Variants in TFB1M observed in about 807,000 individuals in gnomAD.
The protein encoded by TFB1M is dimethyladenosine transferase 1, mitochondrial.
A neutral mutation model predicts 31.1 loss-of-function variants in TFB1M; 27 were observed. The observed-to-expected ratio is 0.87, with a 90% CI of 0.64 to 1.20. The LOEUF is 1.20. TFB1M is among the 50% of genes most tolerant of loss of function. The pLI, the probability that TFB1M is intolerant of heterozygous loss-of-function variation, is 0.00. For synonymous variants in TFB1M, 166 were observed against 151.8 expected (o/e 1.09, Z -0.69); for missense variants, 394 against 418.7 (o/e 0.94, Z 0.51).
chr6:155,306,581 G>C (rs1230372913), intron 2 of TFB1M, among the ~76,000 whole-genome samples: 1 of 151,960 alleles, frequency 6.6e-6, no homozygotes, highest in Non-Finnish European at 1.5e-5. Context: ...CAACATGGAT[G>C]AACTGCAAAA....
At chr6:155,262,054 A>T (rs1450381715) in intron 5 of TFB1M, among the ~76,000 whole-genome samples, 5 of 152,202 alleles carry the variant, frequency 3.3e-5, no homozygotes, top group Non-Finnish European at 5.9e-5. Context: ...CTTAGACTTT[A>T]ACAAAACGCA....
the TFB1M span, chr6:155,240,798 A>G: frequency 7.4e-7 from 1 of 1,356,370 alleles, no homozygotes; most frequent in Non-Finnish European, 9.9e-7. Flanking sequence ...ACCTCTGCCC[A>G]GGACACCTGC....
the TFB1M span, chr6:155,249,969 G>A: frequency 6.2e-6 from 10 of 1,610,962 alleles, no homozygotes; most frequent in Non-Finnish European, 6.8e-6. Flanking sequence ...CAGAGAAGGA[G>A]GTCCGTGAGA....
chr6:155,250,291 C>CTT, the TFB1M span, among the ~76,000 whole-genome samples: 33 of 133,674 alleles, frequency 2.5e-4, no homozygotes, highest in African/African-American at 8.4e-4. Context: ...TTGATTTTGC[C>CTT]TTTTTTTTTT....
intron 5 of TFB1M, among the ~76,000 whole-genome samples, chr6:155,268,567 A>G (rs1784766710): frequency 6.6e-6 from 1 of 152,282 alleles, no homozygotes; most frequent in African/African-American, 2.4e-5. Flanking sequence ...CCAGATTAAC[A>G]TCACTAAGCA....
chr6:155,260,553 T>A, intron 5 of TFB1M, 153 bp from the exon 6 acceptor site: 1 of 922,806 alleles, frequency 1.1e-6, no homozygotes, highest in Non-Finnish European at 1.7e-6. Context: ...TCTCTAGGCA[T>A]GGAAGATGGT....
chr6:155,271,011 C>A (rs1483540793), intron 5 of TFB1M, among the ~76,000 whole-genome samples: 1 of 152,090 alleles, frequency 6.6e-6, no homozygotes, highest in Non-Finnish European at 1.5e-5. Flanking sequence ...AAAAGCAAAC[C>A]CACAGATGTT....
intron 5 of TFB1M, among the ~76,000 whole-genome samples, chr6:155,280,560 G>A (rs1027473195): frequency 6.6e-6 from 1 of 152,104 alleles, no homozygotes; most frequent in Non-Finnish European, 1.5e-5. Flanking sequence ...GAGGGCCCTT[G>A]TCAATACATC....
intron 2 of TFB1M, among the ~76,000 whole-genome samples, chr6:155,302,953 G>C (rs939932240): frequency 6.6e-6 from 1 of 152,160 alleles, no homozygotes; most frequent in Non-Finnish European, 1.5e-5. Context: ...CCAAGCAAAA[G>C]GGAGAAATGC....
In TFB1M at chr6:155,295,647, TAC is replaced by T. The variant is rs1407616398; in HGVS notation, c.546+1304_546+1305del. Among the ~76,000 whole-genome samples, 3 of 152,278 alleles carry T rather than the reference TAC, an allele frequency of 2.0e-5. No individual in the cohort carries two copies. The East Asian group carries it at 5.8e-4, about 29-fold the overall frequency. On this transcript the variant is annotated intron_variant, in intron 4 of 6. Transcript: ENST00000367166. The stretch of plus-strand genomic sequence containing the variant: ...TTTATTAAGTCATCCATGTACATTA[TAC>T]AGTCATCCGTCAGTATCTGTGGGTT...
rs76738299 is a variant in TFB1M at position 155,289,115 on chromosome 6, T to G, written c.547-3838A>C. On this transcript the variant is annotated intron_variant, in intron 4 of 6. Coordinates refer to ENST00000367166, the MANE Select transcript of TFB1M (RefSeq NM_016020.4). ...TAATTTTAAGTACAAGGAGAAAAAT[T>G]AGGCTTACACTTGAGAAGCTACACA... Among the ~76,000 whole-genome samples, 1,101 of 152,188 alleles carry G rather than the reference T, an allele frequency of 7.2e-3. 19 individuals carry two copies. The highest frequency in any genetic ancestry group is 0.025 in the African/African-American group (1,056 of 41,504).
chr6:155,251,700 A>G (rs1472974577), downstream of TFB1M, among the ~76,000 whole-genome samples: 1 of 152,260 alleles, frequency 6.6e-6, no homozygotes, highest in Non-Finnish European at 1.5e-5. Context: ...TCAGCTTTCA[A>G]TAAAACAAAG....
chr6:155,292,212 G>A (rs1583357707), intron 4 of TFB1M, among the ~76,000 whole-genome samples: 1 of 152,180 alleles, frequency 6.6e-6, no homozygotes, highest in African/African-American at 2.4e-5. Context: ...GGCCTCGGCA[G>A]GCAGAATTTG....
At chr6:155,267,495 T>C (rs998339998) in intron 5 of TFB1M, among the ~76,000 whole-genome samples, 1 of 152,212 alleles carries the variant, frequency 6.6e-6, no homozygotes, top group African/African-American at 2.4e-5. Flanking sequence ...TGTGTTGTTT[T>C]GAAAGAAAGC....
chr6:155,305,196 T>TTATATATATATTAAATTATATATTTA lies in TFB1M; in HGVS notation c.285+5966_285+5991dup, dbSNP rs1777629033. On this transcript the variant is annotated intron_variant, in intron 2 of 6. Coordinates refer to ENST00000367166, the MANE Select transcript of TFB1M (RefSeq NM_016020.4). Reference sequence around the variant, plus strand: ...TTTATATATATATTAAATTATATATTTATATATATATTAAATTATATATTT... The same window carrying TTATATATATATTAAATTATATATTTA: ...TTTATATATATATTAAATTATATATTTATATATATATTAAATTATATATTTATATATATATATTAAATTATATATTT... 4.4e-5 allele frequency among the ~76,000 whole-genome samples: 3 copies of TTATATATATATTAAATTATATATTTA among 68,932 alleles called. 1 individual carries two copies. The highest frequency in any genetic ancestry group is 2.5e-4 in the Admixed American group (1 of 4,040). The allele number at this position is 68,932 out of a possible 152,430, so 45.2% of individuals were successfully genotyped here. A position where few individuals can be genotyped will look rare whatever the true frequency, so the allele number is the denominator to read the frequency against.
chr6:155,285,513 G>T (rs1776587885), intron 4 of TFB1M, among the ~76,000 whole-genome samples: 1 of 152,126 alleles, frequency 6.6e-6, no homozygotes, highest in Non-Finnish European at 1.5e-5. Flanking sequence ...ACAAAAATAA[G>T]AACATTTGCT....
chr6:155,262,155 G>A lies in TFB1M; in HGVS notation c.667-1755C>T, dbSNP rs11968927. Among the ~76,000 whole-genome samples the A allele has an allele frequency of 3.8e-3, 584 of 152,232 alleles. 5 individuals are homozygous for A. Among genetic ancestry groups the A allele is most frequent in the African/African-American group, 0.013 (557 of 41,516 alleles). On this transcript the variant is annotated intron_variant, in intron 5 of 6. Coordinates refer to ENST00000367166, the MANE Select transcript of TFB1M (RefSeq NM_016020.4). The stretch of plus-strand genomic sequence containing the variant: ...AGGGGCTGTGGAGTGGATGCAGGGT[G>A]TAGGTGGGGTAGATGTACTGCTATA...
the TFB1M span, chr6:155,232,865 G>A: frequency 1.3e-5 from 2 of 152,334 alleles, no homozygotes; most frequent in Admixed American, 1.3e-4. Context: ...CTCTAAAGCA[G>A]GAATTGAAAT....
chr6:155,243,383 T>A, the TFB1M span, among the ~76,000 whole-genome samples: 1 of 152,140 alleles, frequency 6.6e-6, no homozygotes, highest in Non-Finnish European at 1.5e-5. Flanking sequence ...TGCAGGGAAG[T>A]GAGTGCCCCT....
Sources: allele counts gnomAD v4.1 joint callset (sites outside exome capture counted in the v4.1 genomes callset), GRCh38; gene constraint gnomAD v4.1.1; transcripts MANE v1.5; gene names NCBI Gene and HGNC (gene_info 2026-07-23, HGNC 2026-07-21).